Variants in CYGB observed in about 807,000 individuals in gnomAD.
CYGB encodes histoglobin.
In CYGB, 13 loss-of-function variants were observed where a neutral mutation model predicts 20.7. The observed-to-expected ratio is 0.63, with a 90% CI of 0.41 to 1.00. The LOEUF (loss-of-function observed/expected upper bound fraction) is 1.00, where lower values mean the gene tolerates loss of function less well. Ranked by LOEUF, CYGB falls within the 50% of genes least tolerant of loss-of-function variation. CYGB has a pLI of 0.00. For synonymous variants in CYGB, 93 were observed against 107.4 expected, an observed-to-expected ratio of 0.87 and a Z score of 0.83; for missense variants, 218 against 257.2, an observed-to-expected ratio of 0.85 and a Z score of 1.04.
chr17:76,534,259 C>G (rs1410688897), intron 1 of CYGB, among the ~76,000 whole-genome samples: 1 of 151,902 alleles, frequency 6.6e-6, no homozygotes, highest in African/African-American at 2.4e-5. Context: ...TCACTGCAAC[C>G]TCTGCCTCCT....
chr17:76,529,154 G>A (rs939080180), intron 3 of CYGB: 1 of 984,608 alleles, frequency 1.0e-6, no homozygotes, highest in Non-Finnish European at 1.2e-6. Flanking sequence ...GAAGTTGGGC[G>A]AGGGCCTTCT....
At chr17:76,540,236 T>G (rs201090759), upstream of CYGB, 5 of 500,706 alleles carry the variant, frequency 1.0e-5, no homozygotes, top group African/African-American at 3.7e-5. The surrounding 1 kb of genome is among the most constrained non-coding windows in gnomAD (Gnocchi z 5.0). Context: ...GACCGGGCTA[T>G]GGCTGGCGGT....
In CYGB at chr17:76,531,789, TG is replaced by T; in HGVS notation, c.144-99del. On this transcript the variant is annotated intron_variant, in intron 1 of 3. Coordinates refer to ENST00000293230, the MANE Select transcript of CYGB (RefSeq NM_134268.5). This position sits in a 1 kb window ranked among gnomAD's most constrained non-coding sequence, Gnocchi z 7.4. Reference sequence around the variant, plus strand: ...TGGGGGCTGAAGAAGTGGACCGCAGTGCTCCCCACCCCCGCACCGTCACTGT... The same window carrying T: ...TGGGGGCTGAAGAAGTGGACCGCAGTCTCCCCACCCCCGCACCGTCACTGT... 1 of 964,228 alleles carries T rather than the reference TG, an allele frequency of 1.0e-6. No homozygotes were observed. Among genetic ancestry groups the T allele is most frequent in the Non-Finnish European group, 1.6e-6 (1 of 640,920 alleles). 59.7% of individuals were successfully genotyped at this position (964,228 alleles called of 1,614,324 possible).
chr17:76,529,120 C>T, intron 3 of CYGB: 2 of 983,308 alleles, frequency 2.0e-6, no homozygotes, highest in Non-Finnish European at 2.4e-6. Context: ...TGGCGCCTGG[C>T]CCACCCCTGC....
At chr17:76,544,367 A>G in intron 1 of CYGB, 1 of 454,736 alleles carries the variant, frequency 2.2e-6, no homozygotes, top group South Asian at 1.6e-5. Flanking sequence ...AAGGAAGGGA[A>G]AGGGTGAGGG....
Position 76,530,855 on chromosome 17 carries a change from G to T in CYGB, c.539+124C>A. 1 of 1,092,212 alleles carries T rather than the reference G, an allele frequency of 9.2e-7. No individual in the cohort carries two copies. Among genetic ancestry groups the T allele is most frequent in the Non-Finnish European group, 1.3e-6 (1 of 779,596 alleles). 67.7% of individuals were successfully genotyped at this position (1,092,212 alleles called of 1,614,324 possible). ...TTCTTACATGTCAGACCCCAGGGTT[G>T]GCCTGCCTCAAGTGTGCCTGCCCAG... is the stretch of plus-strand genomic sequence containing the variant. On this transcript the variant is annotated intron_variant, in intron 3 of 3. Coordinates refer to ENST00000293230, the MANE Select transcript of CYGB (RefSeq NM_134268.5). The surrounding 1 kb of genome is among the most constrained non-coding windows in gnomAD (Gnocchi z 6.1).
At chr17:76,549,889 C>T (rs572180145) in intron 1 of CYGB, 1 of 152,290 alleles carries the variant, frequency 6.6e-6, no homozygotes, top group African/African-American at 2.4e-5. Context: ...CAGTGGTTGA[C>T]TGGGGCCGGG....
chr17:76,550,364 G>C (rs2143217794), intron 1 of CYGB: 1 of 149,770 alleles, frequency 6.7e-6, no homozygotes, highest in Admixed American at 6.6e-5. Context: ...AGGTTCAAGT[G>C]ATTCTCCTGC....
chr17:76,536,127 T>C (rs1003137624), intron 1 of CYGB, among the ~76,000 whole-genome samples: 3 of 152,184 alleles, frequency 2.0e-5, no homozygotes, highest in Non-Finnish European at 4.4e-5. Flanking sequence ...TTCCTGCCAC[T>C]CCCGACTGTG....
chr17:76,540,840 T>A (rs2143147936), upstream of CYGB, among the ~76,000 whole-genome samples: 1 of 152,324 alleles, frequency 6.6e-6, no homozygotes, highest in East Asian at 1.9e-4. The surrounding 1 kb of genome is among the most constrained non-coding windows in gnomAD (Gnocchi z 5.0). Flanking sequence ...CCGGGGCACC[T>A]TCTGTCAGAA....
At chr17:76,540,388 T>G, upstream of CYGB, 1 of 1,337,646 alleles carries the variant, frequency 7.5e-7, no homozygotes, top group African/African-American at 1.4e-5. The surrounding 1 kb of genome is among the most constrained non-coding windows in gnomAD (Gnocchi z 5.0). Flanking sequence ...ACTTAGAGCT[T>G]CAAAGGCTCT....
intron 1 of CYGB, among the ~76,000 whole-genome samples, chr17:76,535,365 C>T (rs2074903316): frequency 6.6e-6 from 1 of 152,146 alleles, no homozygotes; most frequent in East Asian, 1.9e-4. Flanking sequence ...GGTGCTGTGT[C>T]AAGACTGACG....
At chr17:76,544,431 T>C in intron 1 of CYGB, 1 of 454,374 alleles carries the variant, frequency 2.2e-6, no homozygotes, top group Admixed American at 2.4e-5. Context: ...GGGGAGGAGG[T>C]GCACCCCGCT....
rs1358070950 is a variant in CYGB, at chr17:76,537,616, C to CGGGGCGT, written c.-75_-74insACGCCCC. On this transcript the variant is annotated 5_prime_UTR_variant, in exon 1 of 4. Transcript: ENST00000293230. ...GGCGCGGGGCGCGGGGCGCGGGGCG[C>CGGGGCGT]CGGGAGCCGGGGCCGGCTGCGTGCG... The CGGGGCGT allele has an allele frequency of 1.0e-6, 1 of 994,632 alleles. No homozygotes were observed. The highest frequency in any genetic ancestry group is 1.8e-5 in the African/African-American group (1 of 56,582). The allele number at this position is 994,632 out of a possible 1,614,324, so 61.6% of individuals were successfully genotyped here.
At chr17:76,544,995 AGC>A in intron 1 of CYGB, 1 of 447,490 alleles carries the variant, frequency 2.2e-6, no homozygotes, top group South Asian at 1.6e-5. Context: ...GCTGGCGGCC[AGC>A]GGGGCTGTGG....
chr17:76,540,968 T>C (rs2074985486), upstream of CYGB, among the ~76,000 whole-genome samples: 1 of 152,198 alleles, frequency 6.6e-6, no homozygotes. This position sits in a 1 kb window ranked among gnomAD's most constrained non-coding sequence, Gnocchi z 5.0. Flanking sequence ...CTAGGCTGCC[T>C]GAGCCTCCAG....
In CYGB at chr17:76,527,476, G is replaced by C. The variant is rs2074781372; in HGVS notation, c.*1102C>G. The C allele has an allele frequency of 5.0e-6, 2 of 401,606 alleles. No homozygotes were observed. Among genetic ancestry groups the C allele is most frequent in the South Asian group, 3.6e-5 (2 of 55,806 alleles). 24.9% of individuals were successfully genotyped at this position (401,606 alleles called of 1,614,324 possible). On this transcript the variant is annotated 3_prime_UTR_variant, in exon 4 of 4. Transcript: ENST00000293230. ...GAGGATGAAGATGAGGATGAGGATG[G>C]GCCAGGAGGGGACACAGCAGGAGCC...
At chr17:76,545,066 G>A in intron 1 of CYGB, 1 of 444,704 alleles carries the variant, frequency 2.2e-6, no homozygotes. Context: ...GGGTGGGGGG[G>A]CTGTCTCCCC....
intron 1 of CYGB, chr17:76,544,235 GC>G (rs963708528): frequency 1.5e-5 from 7 of 454,380 alleles, no homozygotes; most frequent in African/African-American, 1.2e-4. Flanking sequence ...TCCCCAGCCA[GC>G]CCCCCTCCCA....
Sources: allele counts gnomAD v4.1 joint callset (sites outside exome capture counted in the v4.1 genomes callset), GRCh38; gene constraint gnomAD v4.1.1; non-coding constraint Gnocchi (gnomAD v3.1); transcripts MANE v1.5; gene names NCBI Gene and HGNC (gene_info 2026-07-23, HGNC 2026-07-21).